GPC6: variants seen among roughly 807,000 people sequenced by gnomAD.
GPC6 encodes glypican 6, also known as glypican-6.
In GPC6, 14 loss-of-function variants were observed where a neutral mutation model predicts 55.2. That is an observed-to-expected ratio of 0.25 (90% CI 0.17 to 0.40). GPC6 has a LOEUF of 0.40. Ranked by LOEUF, GPC6 falls within the 10% of genes least tolerant of loss-of-function variation. The pLI is 1.00. For synonymous variants in GPC6, 278 were observed against 259.6 expected, an observed-to-expected ratio of 1.07 and a Z score of -0.68; for missense variants, 641 against 708.5, an observed-to-expected ratio of 0.90 and a Z score of 1.08.
chr13:93,892,903 A>G (rs760847443), intron 3 of GPC6, among the ~76,000 whole-genome samples: 33 of 152,186 alleles, frequency 2.2e-4, no homozygotes, highest in Non-Finnish European at 4.6e-4. Flanking sequence ...GAACATATTT[A>G]TGATTGTTTA....
At chr13:93,276,041 A>AT in intron 1 of GPC6, among the ~76,000 whole-genome samples, 1 of 151,972 alleles carries the variant, frequency 6.6e-6, no homozygotes, top group African/African-American at 2.4e-5. Flanking sequence ...TGCCCGGCTA[A>AT]TTTTTTGTAT....
chr13:93,619,600 C>T (rs530938235), intron 2 of GPC6, among the ~76,000 whole-genome samples: 5 of 152,168 alleles, frequency 3.3e-5, no homozygotes, highest in South Asian at 4.1e-4. Context: ...TCCAGATGCA[C>T]CCCATCATGC....
chr13:93,444,195 C>CTTCTTT (rs755978023), intron 1 of GPC6, among the ~76,000 whole-genome samples: 14,223 of 111,350 alleles, frequency 0.13, 1,003 homozygotes, highest in Middle Eastern at 0.18. Flanking sequence ...TGCAATTCTT[C>CTTCTTT]TTTTTTTTTT....
At chr13:93,459,197 T>TA (rs1420010710) in intron 1 of GPC6, among the ~76,000 whole-genome samples, 1 of 152,206 alleles carries the variant, frequency 6.6e-6, no homozygotes, top group Non-Finnish European at 1.5e-5. Context: ...TAGCTGGGAC[T>TA]ACAGGCATGG....
chr13:94,178,398 T>C (rs1432664043), intron 4 of GPC6, among the ~76,000 whole-genome samples: 1 of 152,182 alleles, frequency 6.6e-6, no homozygotes, highest in Non-Finnish European at 1.5e-5. Context: ...GAGAAGTGGC[T>C]ATATAAATTG....
intron 4 of GPC6, among the ~76,000 whole-genome samples, chr13:94,264,473 C>T (rs2139053525): frequency 6.6e-6 from 1 of 152,338 alleles, no homozygotes; most frequent in East Asian, 1.9e-4. Flanking sequence ...GAAGTCCTCT[C>T]ATCCTTTCTT....
chr13:93,833,124 A>T (rs1887590508), intron 3 of GPC6, among the ~76,000 whole-genome samples: 2 of 128,942 alleles, frequency 1.6e-5, no homozygotes, highest in African/African-American at 6.1e-5. Flanking sequence ...AGAGAGAGAG[A>T]GAGAGAGAGA....
At chr13:94,103,738 AT>A (rs1241998159) in intron 4 of GPC6, among the ~76,000 whole-genome samples, 1 of 151,660 alleles carries the variant, frequency 6.6e-6, no homozygotes, top group African/African-American at 2.4e-5. Flanking sequence ...GGGTTGTTTG[AT>A]TTTTTTCTTG....
chr13:93,327,696 C>T (rs917597535), intron 1 of GPC6, among the ~76,000 whole-genome samples: 10 of 151,806 alleles, frequency 6.6e-5, no homozygotes, highest in Non-Finnish European at 1.0e-4. Flanking sequence ...ATAAGTGTGC[C>T]GTGTGAAAAC....
rs1295535995 is a variant in GPC6 at position 93,732,723 on chromosome 13, T to G, written c.320-97431T>G. Among the ~76,000 whole-genome samples the G allele has an allele frequency of 4.0e-4, 61 of 152,180 alleles. 1 individual carries two copies. The highest frequency in any genetic ancestry group is 1.5e-4 in the Non-Finnish European group (10 of 68,044). ...ATAGACTCAGATGTGTCACTAGATT[T>G]TGTCTTTTTATATGGCAGTGCTGTC... On this transcript the variant is annotated intron_variant, in intron 2 of 8. Coordinates refer to ENST00000377047, the MANE Select transcript of GPC6 (RefSeq NM_005708.5).
intron 2 of GPC6, among the ~76,000 whole-genome samples, chr13:93,583,454 T>C (rs147895995): frequency 6.6e-6 from 1 of 152,348 alleles, no homozygotes; most frequent in African/African-American, 2.4e-5. Flanking sequence ...GTTTCATTTT[T>C]GTTTCCCATG....
intron 2 of GPC6, among the ~76,000 whole-genome samples, chr13:93,659,897 T>C (rs1880848893): frequency 6.6e-6 from 1 of 152,020 alleles, no homozygotes; most frequent in Non-Finnish European, 1.5e-5. Flanking sequence ...AAAAAGGAAA[T>C]ATATATATGT....
At chr13:93,670,795 C>T (rs1881327663) in intron 2 of GPC6, among the ~76,000 whole-genome samples, 1 of 152,158 alleles carries the variant, frequency 6.6e-6, no homozygotes, top group Admixed American at 6.5e-5. Flanking sequence ...ACTAAATGCA[C>T]TTAAGAAACA....
At chr13:94,320,157 T>C (rs1388901904) in intron 6 of GPC6, among the ~76,000 whole-genome samples, 2 of 152,230 alleles carry the variant, frequency 1.3e-5, no homozygotes, top group Non-Finnish European at 2.9e-5. Context: ...TTAAATTATT[T>C]TATTTGGCAT....
rs532786408 is a variant in GPC6, at chr13:93,368,261, T to C, written c.160+140645T>C. On this transcript the variant is annotated intron_variant, in intron 1 of 8. Transcript: ENST00000377047. ...CTCCGTCCCTCCCTACTCCTTTGCC[T>C]CCCTTTCCTCCCTCCCTCCTTCCCT... 8.0e-5 allele frequency among the ~76,000 whole-genome samples: 12 copies of C among 150,818 alleles called. 1 individual carries two copies. Among genetic ancestry groups the C allele is most frequent in the African/African-American group, 2.4e-4 (10 of 41,112 alleles).
At chr13:93,276,487 AGAGAGAGAGTGTGTGTGT>A (rs557449158) in intron 1 of GPC6, among the ~76,000 whole-genome samples, 1,747 of 135,628 alleles carry the variant, frequency 0.013, 11 homozygotes, top group East Asian at 0.055. Context: ...AGAGAGAGAG[AGAGAGAGAGTGTGTGTGT>A]GTGTGTGTGT....
intron 4 of GPC6, among the ~76,000 whole-genome samples, chr13:94,157,567 G>A (rs1887998418): frequency 6.6e-6 from 1 of 152,134 alleles, no homozygotes; most frequent in Non-Finnish European, 1.5e-5. Flanking sequence ...GAGCATAGAG[G>A]TATAAAGGAA....
rs1048054611 is a variant in GPC6 at position 93,562,258 on chromosome 13, T to G, written c.319+16837T>G. ...AGAGCCGGGCGTGGGCTTTGCTGCCTTGTAATTCGGCCTTACTCACATTTT... is the reference window on the plus strand; with the variant it reads ...AGAGCCGGGCGTGGGCTTTGCTGCCGTGTAATTCGGCCTTACTCACATTTT... On this transcript the variant is annotated intron_variant, in intron 2 of 8. Transcript: ENST00000377047. Among the ~76,000 whole-genome samples, 3 of 152,122 alleles carry G rather than the reference T, an allele frequency of 2.0e-5. No individual in the cohort carries two copies. The South Asian group carries it at 6.2e-4, about 32-fold the overall frequency.
chr13:93,698,940 A>G (rs925059990), intron 2 of GPC6, among the ~76,000 whole-genome samples: 1 of 152,004 alleles, frequency 6.6e-6, no homozygotes, highest in Non-Finnish European at 1.5e-5. Flanking sequence ...CTTCTGTTAT[A>G]TTATGCATTG....
Sources: gnomAD v4.1 joint callset for allele counts (sites outside exome capture counted in the v4.1 genomes callset) on GRCh38, gnomAD v4.1.1 for gene constraint, MANE v1.5 for transcripts, NCBI Gene and HGNC (gene_info 2026-07-23, HGNC 2026-07-21) for gene names.